Variants in CNDP1 observed in about 807,000 individuals in gnomAD.
CNDP1 encodes the protein carnosine dipeptidase 1.
CNDP1 carries 44 observed loss-of-function variants against 58.1 expected under a neutral mutation model. That is an observed-to-expected ratio of 0.76 (90% CI 0.60 to 0.97). The LOEUF (loss-of-function observed/expected upper bound fraction) is 0.97, where lower values mean the gene tolerates loss of function less well. Ranked by LOEUF, CNDP1 falls within the 50% of genes least tolerant of loss-of-function variation. CNDP1 has a pLI of 0.00. For synonymous variants in CNDP1, 254 were observed against 252.6 expected (o/e 1.01, Z -0.05); for missense variants, 616 against 655.1 (o/e 0.94, Z 0.65).
At chr18:74,541,226 G>A (rs891779155) in intron 1 of CNDP1, among the ~76,000 whole-genome samples, 1 of 152,242 alleles carries the variant, frequency 6.6e-6, no homozygotes, top group Non-Finnish European at 1.5e-5. Flanking sequence ...TGGGGAAGGA[G>A]ACGGCAGGTG....
At chr18:74,572,007 C>T (rs527285662) in intron 7 of CNDP1, among the ~76,000 whole-genome samples, 27 of 152,156 alleles carry the variant, frequency 1.8e-4, no homozygotes, top group Middle Eastern at 3.2e-3. Flanking sequence ...ACGCTTGTCA[C>T]GGTGGCTGGA....
chr18:74,548,873 A>G (rs762692648), intron 1 of CNDP1, among the ~76,000 whole-genome samples: 7 of 152,260 alleles, frequency 4.6e-5, no homozygotes, highest in African/African-American at 1.7e-4. Context: ...CATTGTGTTC[A>G]TGCCCTAAGG....
chr18:74,551,566 T>G (rs1980911328), intron 1 of CNDP1, among the ~76,000 whole-genome samples: 1 of 151,888 alleles, frequency 6.6e-6, no homozygotes, highest in South Asian at 2.1e-4. Context: ...AGGAGGAAAT[T>G]CATTAAGGGA....
chr18:74,537,500 A>T (rs1181515678), intron 1 of CNDP1, among the ~76,000 whole-genome samples: 1 of 152,094 alleles, frequency 6.6e-6, no homozygotes, highest in Non-Finnish European at 1.5e-5. Flanking sequence ...TATTCTTGGG[A>T]TCTTGAGCCC....
chr18:74,559,563 A>G (rs1395213872), intron 3 of CNDP1, 91 bp downstream of exon 3: 31 of 1,222,558 alleles, frequency 2.5e-5, no homozygotes, highest in Non-Finnish European at 3.4e-5. Context: ...GCTCACCCTG[A>G]TCCTCAACCA....
chr18:74,535,324 TAC>T (rs1405831450), intron 1 of CNDP1, among the ~76,000 whole-genome samples: 1 of 152,066 alleles, frequency 6.6e-6, no homozygotes, highest in African/African-American at 2.4e-5. Flanking sequence ...AACACACACA[TAC>T]ACACACAGAA....
intron 1 of CNDP1, among the ~76,000 whole-genome samples, chr18:74,547,273 C>G (rs1031689137): frequency 3.3e-5 from 5 of 152,186 alleles, no homozygotes; most frequent in Non-Finnish European, 7.3e-5. Context: ...CACAAGGACT[C>G]TAGACTAGGA....
Position 74,584,562 on chromosome 18 carries a change from A to T in CNDP1, c.1524A>T (p.Ter508TyrextTer9). The change falls in exon 12 of 12, where the codon TAA becomes TAT. Residue 508 changes from the stop codon to tyrosine (Y), a stop_lost. Transcript: ENST00000358821. ...TCTTAGAGATGGCCCAGCTCCATTA[A>T]TCACAAGAACCTTCTAGTCTGATCT... ...AFFLEMAQLH* is the reference protein window; with the variant it reads ...AFFLEMAQLHY 1 of 1,612,542 alleles carries T rather than the reference A, an allele frequency of 6.2e-7. No individual in the cohort carries two copies. Among genetic ancestry groups the T allele is most frequent in the East Asian group, 2.2e-5 (1 of 44,858 alleles).
intron 8 of CNDP1, chr18:74,577,890 C>T (rs1029367401): frequency 6.7e-5 from 22 of 329,706 alleles, no homozygotes; most frequent in African/African-American, 4.0e-4. Context: ...TGAAAGGGCC[C>T]CTTTGCCATT....
At chr18:74,538,569 G>A (rs148988937) in intron 1 of CNDP1, among the ~76,000 whole-genome samples, 5 of 152,200 alleles carry the variant, frequency 3.3e-5, no homozygotes, top group Admixed American at 6.5e-5. Flanking sequence ...TGGAATTGCC[G>A]GTTGATACAG....
chr18:74,558,992 A>C (rs1981115366), intron 2 of CNDP1, among the ~76,000 whole-genome samples: 1 of 152,098 alleles, frequency 6.6e-6, no homozygotes. Flanking sequence ...CTCAGTTCTT[A>C]ATAATTAGAA....
At chr18:74,580,793 C>A (rs1328843650) in intron 10 of CNDP1, among the ~76,000 whole-genome samples, 1 of 152,080 alleles carries the variant, frequency 6.6e-6, no homozygotes, top group Non-Finnish European at 1.5e-5. Flanking sequence ...TATGGTGAGA[C>A]CCCCATCTCT....
rs189955107 is a variant in CNDP1 at position 74,545,526 on chromosome 18, G to T, written c.25-10812G>T. On this transcript the variant is annotated intron_variant, in intron 1 of 11. Transcript: ENST00000358821. This position sits in a 1 kb window ranked among gnomAD's most constrained non-coding sequence, Gnocchi z 4.1. ...TCTGCATTTTGGTGTCTCCACCTTG[G>T]CCCACGGTCCCACCAAAACCCTGCC... Among the ~76,000 whole-genome samples the T allele has an allele frequency of 1.5e-4, 23 of 152,182 alleles. No individual in the cohort carries two copies. The highest frequency in any genetic ancestry group is 8.8e-5 in the Non-Finnish European group (6 of 68,006).
chr18:74,541,450 G>A (rs1466500512), intron 1 of CNDP1, among the ~76,000 whole-genome samples: 3 of 152,214 alleles, frequency 2.0e-5, no homozygotes, highest in African/African-American at 7.2e-5. Flanking sequence ...GAGGGTGGGT[G>A]GCATTTGTTG....
At chr18:74,551,277 A>G (rs62099911) in intron 1 of CNDP1, among the ~76,000 whole-genome samples, 26,184 of 151,380 alleles carry the variant, frequency 0.17, 2,491 homozygotes, top group Middle Eastern at 0.25. Context: ...TTTTTTTAAT[A>G]AATTACCCCA....
intron 7 of CNDP1, among the ~76,000 whole-genome samples, chr18:74,573,719 T>G (rs1396938579): frequency 6.6e-6 from 1 of 152,242 alleles, no homozygotes. Context: ...GAGCACATTT[T>G]GCTCTTCCCA....
intron 9 of CNDP1, among the ~76,000 whole-genome samples, chr18:74,579,203 G>GCCTTCCCTTCCCTTGCCTTC (rs1981720414): frequency 1.6e-5 from 2 of 125,518 alleles, no homozygotes; most frequent in Non-Finnish European, 3.3e-5. Context: ...CCCTTCCCTT[G>GCCTTCCCTTCCCTTGCCTTC]CCTTCCCTTC....
chr18:74,580,071 T>G, intron 9 of CNDP1, 59 bp from the exon 10 acceptor site: 1 of 1,478,350 alleles, frequency 6.8e-7, no homozygotes, highest in Non-Finnish European at 9.4e-7. Context: ...AAGACTATAT[T>G]AACTGTATGA....
At chr18:74,567,843 T>C (rs1311192002) in intron 6 of CNDP1, among the ~76,000 whole-genome samples, 1 of 152,184 alleles carries the variant, frequency 6.6e-6, no homozygotes, top group East Asian at 1.9e-4. Context: ...GAGACCCCAG[T>C]GCCGTGGTCA....
Sources: allele counts gnomAD v4.1 joint callset (sites outside exome capture counted in the v4.1 genomes callset), GRCh38; gene constraint gnomAD v4.1.1; non-coding constraint Gnocchi (gnomAD v3.1); transcripts MANE v1.5; gene names NCBI Gene and HGNC (gene_info 2026-07-23, HGNC 2026-07-21).